Variants in SLC2A12 observed in about 807,000 individuals in gnomAD.
The protein encoded by SLC2A12 is solute carrier family 2, facilitated glucose transporter member 12.
SLC2A12 carries 23 observed loss-of-function variants against 41.8 expected under a neutral mutation model. The ratio of observed to expected loss-of-function variants is 0.55; its 90% CI spans 0.40 to 0.78. The LOEUF is 0.78. Ranked by LOEUF, SLC2A12 falls within the 30% of genes least tolerant of loss-of-function variation. SLC2A12 has a pLI of 0.00. For missense variants in SLC2A12, 654 were observed against 745.6 expected, an observed-to-expected ratio of 0.88 and a Z score of 1.43; for synonymous variants, 295 against 285.9, an observed-to-expected ratio of 1.03 and a Z score of -0.32.
chr6:134,018,269 C>A (rs1404871860), intron 2 of SLC2A12, among the ~76,000 whole-genome samples: 1 of 152,162 alleles, frequency 6.6e-6, no homozygotes, highest in East Asian at 1.9e-4. Context: ...ACAAACCATG[C>A]ACTGAACTAG....
At chr6:134,040,299 G>A (rs960608181) in intron 1 of SLC2A12, among the ~76,000 whole-genome samples, 4 of 151,330 alleles carry the variant, frequency 2.6e-5, no homozygotes, top group African/African-American at 7.3e-5. Context: ...GGCTGGTCTC[G>A]AACTTCGGAG....
At chr6:134,035,151 C>CA (rs71003662) in intron 1 of SLC2A12, among the ~76,000 whole-genome samples, 2,563 of 107,584 alleles carry the variant, frequency 0.024, 65 homozygotes, top group Non-Finnish European at 0.022. Flanking sequence ...GGCTGCCTGA[C>CA]AAAAAAAAAA....
At position 133,989,879 on chromosome 6, in the gene SLC2A12, A is replaced by G. The variant is rs1337412300; in HGVS notation, c.*1276T>C. On this transcript the variant is annotated 3_prime_UTR_variant, in exon 5 of 5. Transcript: ENST00000275230. ...TTTTCTTCAGGTTAATCATATTTTA[A>G]AATTCTTTTTCAAGTTAGGTTGTTC... 6.6e-6 allele frequency: 1 copy of G among 152,200 alleles called. No homozygotes were observed. Among genetic ancestry groups the G allele is most frequent in the Non-Finnish European group, 1.5e-5 (1 of 68,036 alleles). The allele number at this position is 152,200 out of a possible 1,614,324, so 9.4% of individuals were successfully genotyped here.
chr6:133,991,383 T>C, intron 4 of SLC2A12, 75 bp from the exon 5 acceptor site: 2 of 1,487,418 alleles, frequency 1.3e-6, no homozygotes, highest in South Asian at 1.3e-5. Context: ...TATTATTTTT[T>C]AAACCACCCT....
intron 3 of SLC2A12, among the ~76,000 whole-genome samples, 184 bp from the exon 4 acceptor site, chr6:134,002,313 C>A (rs961711462): frequency 7.9e-5 from 12 of 151,986 alleles, no homozygotes; most frequent in Non-Finnish European, 2.9e-5. Flanking sequence ...TTACAGACTA[C>A]CTTAGTTTTC....
intron 2 of SLC2A12, among the ~76,000 whole-genome samples, chr6:134,009,900 C>G (rs1776858572): frequency 6.6e-6 from 1 of 152,114 alleles, no homozygotes; most frequent in South Asian, 2.1e-4. Flanking sequence ...TGTAAAATCA[C>G]AGGTTTTCAG....
chr6:134,043,564 A>T (rs780513935), intron 1 of SLC2A12, among the ~76,000 whole-genome samples: 9 of 151,928 alleles, frequency 5.9e-5, no homozygotes, highest in Non-Finnish European at 1.0e-4. Flanking sequence ...GGAGGCCGAG[A>T]TGGGCGGATC....
At chr6:134,042,410 G>A (rs1046437012) in intron 1 of SLC2A12, among the ~76,000 whole-genome samples, 30 of 152,204 alleles carry the variant, frequency 2.0e-4, no homozygotes, top group African/African-American at 7.0e-4. Context: ...ATGGACAGGT[G>A]GCCTATGGGA....
At chr6:134,041,927 G>A (rs1340230944) in intron 1 of SLC2A12, among the ~76,000 whole-genome samples, 3 of 152,108 alleles carry the variant, frequency 2.0e-5, no homozygotes, top group Admixed American at 2.0e-4. Flanking sequence ...ATGTGTGTGA[G>A]CCTTGGTGAG....
At chr6:134,023,140 T>C (rs779308046) in intron 2 of SLC2A12, among the ~76,000 whole-genome samples, 5 of 152,106 alleles carry the variant, frequency 3.3e-5, no homozygotes, top group Non-Finnish European at 5.9e-5. Context: ...CGCTATTCCG[T>C]ATTAAACTCT....
intron 2 of SLC2A12, 61 bp downstream of exon 2, chr6:134,028,320 A>G (rs1777141099): frequency 6.6e-7 from 1 of 1,525,100 alleles, no homozygotes; most frequent in Non-Finnish European, 8.8e-7. Context: ...TTCATGAGGT[A>G]CTATAGCAGT....
rs1278553774 is a variant in SLC2A12, at chr6:134,028,744, T to C, written c.1081A>G (p.Met361Val). 4 of 1,614,162 alleles carry C rather than the reference T, an allele frequency of 2.5e-6. No homozygotes were observed. The East Asian group carries it at 6.7e-5, about 27-fold the overall frequency. The change falls in exon 2 of 5, where the codon ATG (methionine) becomes GTG (valine). Residue 361 changes from methionine to valine, a missense_variant. Transcript: ENST00000275230. Reference sequence around the variant, plus strand: ...TGGATGTTGAGATTTACGATGCCCATGGTCACCAACGAAGCTGCCATCACA... The same window carrying C: ...TGGATGTTGAGATTTACGATGCCCACGGTCACCAACGAAGCTGCCATCACA... ...SSVMAASLVT[M>V]GIVNLNIHMN... is the part of the protein sequence containing the mutation.
At chr6:134,005,530 C>A (rs181732848) in intron 3 of SLC2A12, among the ~76,000 whole-genome samples, 2 of 151,290 alleles carry the variant, frequency 1.3e-5, no homozygotes, top group Admixed American at 1.3e-4. Flanking sequence ...CTTGGTGGTG[C>A]GCACCTGTAG....
chr6:134,043,424 T>C (rs1777411104), intron 1 of SLC2A12, among the ~76,000 whole-genome samples: 1 of 152,154 alleles, frequency 6.6e-6, no homozygotes, highest in Non-Finnish European at 1.5e-5. Context: ...CATAAAGCTG[T>C]AGAATTTGGA....
rs1432594153 is a variant in SLC2A12, at chr6:134,029,094, G to C, written c.731C>G (p.Ser244Ter). 1 of 1,614,056 alleles carries C rather than the reference G, an allele frequency of 6.2e-7. No individual in the cohort carries two copies. The highest frequency in any genetic ancestry group is 8.5e-7 in the Non-Finnish European group (1 of 1,180,042). Residue 244 changes from serine (S) to a stop codon, truncating the protein, a stop_gained, in exon 2 of 5, where the codon TCA becomes TGA. Coordinates refer to ENST00000275230, the MANE Select transcript of SLC2A12 (RefSeq NM_145176.3). LOFTEE classifies it high-confidence loss of function. ...CACAGTGAGTTCCTCAGTTGTATCT[G>C]AGAGTGCTCTTAACCTTCCAAGAAC... Reference protein sequence around the residue: ...SKVLGRLRALSDTTEELTVIK... With the variant: ...SKVLGRLRAL
chr6:133,995,498 TGAG>T (rs750586041), intron 4 of SLC2A12, among the ~76,000 whole-genome samples: 35 of 152,158 alleles, frequency 2.3e-4, no homozygotes, highest in Middle Eastern at 3.4e-3. Context: ...AATGAGGAAA[TGAG>T]GAGGTTTCCA....
chr6:134,015,261 G>T (rs190457004), intron 2 of SLC2A12, among the ~76,000 whole-genome samples: 2 of 152,270 alleles, frequency 1.3e-5, no homozygotes, highest in Admixed American at 6.5e-5. Flanking sequence ...CTTTTACACT[G>T]TTGGAAGCAT....
At chr6:134,051,097 G>A (rs2114521600) in intron 1 of SLC2A12, among the ~76,000 whole-genome samples, 1 of 152,098 alleles carries the variant, frequency 6.6e-6, no homozygotes, top group African/African-American at 2.4e-5. Flanking sequence ...TTATTTTTCT[G>A]TATTTTTAGT....
intron 3 of SLC2A12, among the ~76,000 whole-genome samples, chr6:134,004,223 G>GGT (rs1445535254): frequency 6.6e-6 from 1 of 151,972 alleles, no homozygotes; most frequent in Non-Finnish European, 1.5e-5. Flanking sequence ...GCAGATGGAG[G>GGT]GTGTGTGTGT....
Sources: allele counts gnomAD v4.1 joint callset (sites outside exome capture counted in the v4.1 genomes callset), GRCh38; gene constraint gnomAD v4.1.1; transcripts MANE v1.5; gene names NCBI Gene and HGNC (gene_info 2026-07-23, HGNC 2026-07-21).